Variants in DAB1 observed in about 807,000 individuals in gnomAD.
DAB1 encodes DAB adaptor protein 1.
A neutral mutation model predicts 64.6 loss-of-function variants in DAB1; 15 were observed. The observed-to-expected ratio is 0.23, with a 90% CI of 0.16 to 0.36. The LOEUF (loss-of-function observed/expected upper bound fraction) is 0.36. Ranked by LOEUF, DAB1 falls within the 10% of genes least tolerant of loss-of-function variation. The probability of loss-of-function intolerance (pLI) is 1.00; values close to 1 mark genes in which losing one functional copy is unlikely to be tolerated. For missense variants in DAB1, 596 were observed against 706.7 expected (o/e 0.84, Z 1.78); for synonymous variants, 235 against 251.9 (o/e 0.93, Z 0.64).
chr1:57,963,686 G>A (rs1334773471), intron 5 of DAB1, among the ~76,000 whole-genome samples: 1 of 152,158 alleles, frequency 6.6e-6, no homozygotes, highest in East Asian at 1.9e-4. Context: ...CGCCCATGCT[G>A]CTGCCCACTT....
At chr1:58,491,668 A>C (rs1463422389) in intron 3 of DAB1, among the ~76,000 whole-genome samples, 1 of 152,180 alleles carries the variant, frequency 6.6e-6, no homozygotes, top group African/African-American at 2.4e-5. Flanking sequence ...GAGACAAAGA[A>C]GGCCACTACA....
At chr1:58,030,939 A>G (rs1395201861) in intron 5 of DAB1, among the ~76,000 whole-genome samples, 1 of 152,232 alleles carries the variant, frequency 6.6e-6, no homozygotes, top group East Asian at 1.9e-4. Context: ...ACTTTATACA[A>G]TAAGAAAGGT....
At chr1:57,403,137 T>C (rs1683378824) in intron 1 of DAB1, among the ~76,000 whole-genome samples, 1 of 152,202 alleles carries the variant, frequency 6.6e-6, no homozygotes, top group Admixed American at 6.5e-5. Context: ...AGAGGTCCAG[T>C]CCCGGCCATT....
intron 6 of DAB1, among the ~76,000 whole-genome samples, chr1:57,656,428 T>A (rs12079292): frequency 0.038 from 5,859 of 152,326 alleles, 353 homozygotes; most frequent in African/African-American, 0.13. Flanking sequence ...TTTGTAATTA[T>A]GTTTCATGGC....
chr1:57,527,734 T>C (rs1644611133), intron 7 of DAB1, among the ~76,000 whole-genome samples: 1 of 152,188 alleles, frequency 6.6e-6, no homozygotes, highest in African/African-American at 2.4e-5. Flanking sequence ...TATTTTCATA[T>C]CTAAGACCAG....
intron 2 of DAB1, among the ~76,000 whole-genome samples, chr1:57,226,742 A>G (rs1667300489): frequency 6.7e-6 from 1 of 150,374 alleles, no homozygotes; most frequent in Admixed American, 6.6e-5. Flanking sequence ...GGTTAAGTAA[A>G]CAGTCATACC....
intron 7 of DAB1, among the ~76,000 whole-genome samples, chr1:57,575,995 A>T (rs1195941288): frequency 6.6e-6 from 1 of 152,320 alleles, no homozygotes; most frequent in African/African-American, 2.4e-5. Flanking sequence ...TTGGACATAA[A>T]TTCATTCCAG....
chr1:58,323,114 T>G (rs867529169), intron 4 of DAB1, among the ~76,000 whole-genome samples: 2 of 151,846 alleles, frequency 1.3e-5, no homozygotes, highest in Middle Eastern at 3.4e-3. Context: ...GGGGGAGGGA[T>G]AGCAGTAGGA....
At chr1:57,071,113 A>G in intron 6 of DAB1, 52 bp from the exon 7 acceptor site, 1 of 1,522,400 alleles carries the variant, frequency 6.6e-7, no homozygotes, top group Non-Finnish European at 9.1e-7. Flanking sequence ...ATAAAGGAAG[A>G]GATGTGAGAC....
chr1:57,969,478 T>C (rs1262993899), intron 5 of DAB1, among the ~76,000 whole-genome samples: 9 of 152,102 alleles, frequency 5.9e-5, no homozygotes, highest in Non-Finnish European at 1.2e-4. Flanking sequence ...GAGTAGAATA[T>C]ATGTATGTTT....
intron 5 of DAB1, among the ~76,000 whole-genome samples, chr1:58,013,918 T>G (rs1646704570): frequency 6.6e-6 from 1 of 151,150 alleles, no homozygotes; most frequent in Non-Finnish European, 1.5e-5. Context: ...CTTTTTAAGA[T>G]GACTGTAGTA....
At chr1:57,894,887 A>G (rs187679004) in intron 5 of DAB1, among the ~76,000 whole-genome samples, 9 of 152,242 alleles carry the variant, frequency 5.9e-5, no homozygotes, top group Admixed American at 5.2e-4. Context: ...AGCCCATTCA[A>G]ACTATCCACT....
chr1:57,166,295 T>TA, intron 2 of DAB1, among the ~76,000 whole-genome samples: 1 of 152,232 alleles, frequency 6.6e-6, no homozygotes, highest in East Asian at 1.9e-4. Context: ...TGACTCCAAA[T>TA]AATGTATTTT....
chr1:57,868,434 G>A (rs1388597820), intron 1 of DAB1, among the ~76,000 whole-genome samples: 1 of 152,122 alleles, frequency 6.6e-6, no homozygotes, highest in Non-Finnish European at 1.5e-5. Context: ...ATCTGAAAAA[G>A]GCATGGGCAA....
rs1553161126 is a variant in DAB1, at chr1:58,118,521, CAT to C, written n.387+31988_387+31989del. Reference sequence around the variant, plus strand: ...ATATATATACACACACACACACACACATATATATATATAAAATACATATATAT... The same window carrying C: ...ATATATATACACACACACACACACACATATATATATAAAATACATATATAT... On this transcript the variant is annotated intron_variant and non_coding_transcript_variant, in intron 5 of 20. Transcript: ENST00000485760. 3.4e-3 allele frequency among the ~76,000 whole-genome samples: 340 copies of C among 98,916 alleles called. 7 individuals are homozygous for C. Among genetic ancestry groups the C allele is most frequent in the African/African-American group, 0.011 (293 of 25,516 alleles). 64.9% of individuals were successfully genotyped at this position (98,916 alleles called of 152,430 possible).
chr1:57,327,635 C>G (rs1676284912), intron 1 of DAB1, among the ~76,000 whole-genome samples: 1 of 152,132 alleles, frequency 6.6e-6, no homozygotes, highest in Non-Finnish European at 1.5e-5. Flanking sequence ...GTCAAAACAC[C>G]TCCTGTGTCT....
At chr1:57,697,707 C>T (rs1421263131) in intron 6 of DAB1, among the ~76,000 whole-genome samples, 1 of 152,154 alleles carries the variant, frequency 6.6e-6, no homozygotes, top group Admixed American at 6.5e-5. Context: ...GGAATGATTA[C>T]TTTCCAGTTT....
At chr1:58,157,065 A>G (rs575045940) in intron 4 of DAB1, among the ~76,000 whole-genome samples, 2 of 152,306 alleles carry the variant, frequency 1.3e-5, no homozygotes, top group Non-Finnish European at 2.9e-5. Context: ...GCTGTCACAC[A>G]TTATCACTAA....
intron 6 of DAB1, among the ~76,000 whole-genome samples, chr1:57,794,540 T>C (rs942858563): frequency 1.3e-5 from 2 of 152,176 alleles, no homozygotes; most frequent in Admixed American, 6.5e-5. Context: ...CTCCCTCTTC[T>C]CTAAAGCCTT....
Sources: gnomAD v4.1 joint callset for allele counts (sites outside exome capture counted in the v4.1 genomes callset) on GRCh38, gnomAD v4.1.1 for gene constraint, MANE v1.5 for transcripts, NCBI Gene and HGNC (gene_info 2026-07-23, HGNC 2026-07-21) for gene names.